MYBPC1: variants seen among roughly 807,000 people sequenced by gnomAD.
MYBPC1 encodes the protein myosin-binding protein C, slow-type.
A neutral mutation model predicts 147.1 loss-of-function variants in MYBPC1; 52 were observed. That is an observed-to-expected ratio of 0.35 (90% CI 0.28 to 0.45). The LOEUF is 0.45. MYBPC1 is among the 20% of genes least tolerant of loss of function. The pLI is 1.00. For synonymous variants in MYBPC1, 477 were observed against 475.9 expected, an observed-to-expected ratio of 1.00 and a Z score of -0.03; for missense variants, 1,228 against 1,440.3, an observed-to-expected ratio of 0.85 and a Z score of 2.39.
intron 21 of MYBPC1, 94 bp from the exon 22 acceptor site, chr12:101,663,332 A>T: frequency 2.6e-6 from 3 of 1,139,910 alleles, no homozygotes; most frequent in Non-Finnish European, 4.0e-6. Flanking sequence ...TTTTGTGTCT[A>T]TTTTTATTTG....
At chr12:101,666,526 A>G (rs1897443144) in intron 22 of MYBPC1, 1 of 532,046 alleles carries the variant, frequency 1.9e-6, no homozygotes, top group Non-Finnish European at 3.4e-6. Context: ...TCTCTGTGGC[A>G]GGTGCCTCAG....
chr12:101,627,938 TTTCCTCTTACAAGAAAACTAATGTA>T, intron 5 of MYBPC1, 134 bp downstream of exon 5: 1 of 1,061,244 alleles, frequency 9.4e-7, no homozygotes, highest in Non-Finnish European at 1.4e-6. Flanking sequence ...TTTCATTACG[TTTCCTCTTACAAGAAAACTAATGTA>T]TTGAGAAACA....
chr12:101,693,168 G>C, the MYBPC1 span, among the ~76,000 whole-genome samples: 7 of 151,954 alleles, frequency 4.6e-5, no homozygotes, highest in African/African-American at 1.7e-4. Context: ...GGATGGTCTC[G>C]ATCTCCTGAC....
chr12:101,663,652 T>C (rs1896957594), intron 22 of MYBPC1, 92 bp downstream of exon 22: 1 of 1,395,684 alleles, frequency 7.2e-7, no homozygotes, highest in African/African-American at 1.4e-5. Context: ...TGAGAACGCA[T>C]CACCTTCCTA....
At chr12:101,685,479 C>T (rs1015335815) in intron 31 of MYBPC1, 103 bp from the exon 32 acceptor site, 69 of 771,116 alleles carry the variant, frequency 8.9e-5, no homozygotes, top group Non-Finnish European at 1.4e-4. Context: ...CTAATGGGAA[C>T]ATGATTAGTC....
At chr12:101,653,371 G>C in intron 18 of MYBPC1, 123 bp downstream of exon 18, 2 of 1,274,662 alleles carry the variant, frequency 1.6e-6, no homozygotes, top group Admixed American at 4.0e-5. Context: ...CAGCAGTACA[G>C]TAAAGATGTA....
chr12:101,651,542 G>A (rs1356010720), intron 16 of MYBPC1, 149 bp downstream of exon 16: 7 of 1,027,962 alleles, frequency 6.8e-6, no homozygotes, highest in East Asian at 2.5e-5. Context: ...GCAAGAAGGT[G>A]TGATTTCTCT....
intron 19 of MYBPC1, chr12:101,660,097 C>A (rs538154105): frequency 3.9e-5 from 19 of 484,032 alleles, no homozygotes; most frequent in African/African-American, 2.7e-4. Flanking sequence ...TAACTTCCCA[C>A]ATCACAATCA....
intron 3 of MYBPC1, among the ~76,000 whole-genome samples, chr12:101,625,550 C>G (rs1271591754): frequency 6.6e-6 from 1 of 152,226 alleles, no homozygotes; most frequent in Non-Finnish European, 1.5e-5. Flanking sequence ...TACTAATACT[C>G]TTAATTAGTT....
intron 18 of MYBPC1, 31 bp from the exon 19 acceptor site, chr12:101,659,641 T>A (rs555492820): frequency 3.1e-6 from 5 of 1,613,626 alleles, no homozygotes; most frequent in Non-Finnish European, 4.2e-6. Context: ...ATTGTGTAAA[T>A]CATGCCACAT....
At chr12:101,692,177 T>C in the MYBPC1 span, among the ~76,000 whole-genome samples, 1 of 152,134 alleles carries the variant, frequency 6.6e-6, no homozygotes, top group Non-Finnish European at 1.5e-5. Flanking sequence ...GAGGTAAGAC[T>C]AGGAAGGTAG....
At chr12:101,671,621 G>C (rs926617363) in intron 24 of MYBPC1, among the ~76,000 whole-genome samples, 2 of 152,218 alleles carry the variant, frequency 1.3e-5, no homozygotes, top group East Asian at 3.9e-4. Flanking sequence ...AAAACCAGAA[G>C]TGGCAACAAG....
At chr12:101,666,888 C>CAG in intron 22 of MYBPC1, 1 of 477,086 alleles carries the variant, frequency 2.1e-6, no homozygotes, top group South Asian at 1.7e-5. Flanking sequence ...ATACTCATCA[C>CAG]ATACATACAC....
intron 22 of MYBPC1, 144 bp from the exon 23 acceptor site, chr12:101,667,588 G>A (rs1005528275): frequency 4.9e-5 from 43 of 882,302 alleles, no homozygotes; most frequent in African/African-American, 4.5e-4. Flanking sequence ...CCATGTAGTC[G>A]GAGTCCAGAC....
intron 1 of MYBPC1, among the ~76,000 whole-genome samples, chr12:101,595,477 TAGG>T (rs1944695455): frequency 6.6e-6 from 1 of 152,156 alleles, no homozygotes. Context: ...TTGCAGAGAG[TAGG>T]AGACTTAAAA....
intron 1 of MYBPC1, among the ~76,000 whole-genome samples, chr12:101,606,317 T>C (rs1159435580): frequency 6.6e-6 from 1 of 152,074 alleles, no homozygotes; most frequent in Non-Finnish European, 1.5e-5. Flanking sequence ...CTTCACTGTC[T>C]ATTTGTTAGA....
At position 101,626,929 on chromosome 12, in the gene MYBPC1, CT is replaced by C; in HGVS notation, c.142+23del. On this transcript the variant is annotated intron_variant, in intron 4 of 31. Coordinates refer to ENST00000361466, the MANE Select transcript of MYBPC1 (RefSeq NM_002465.4). ...CCTCCAGGTTGGGATAATTTCTACCCTTTTCCCTGCTTTTAAATATATTATT... is the reference window on the plus strand; with the variant it reads ...CCTCCAGGTTGGGATAATTTCTACCCTTTCCCTGCTTTTAAATATATTATT... 6.3e-7 allele frequency: 1 copy of C among 1,592,962 alleles called. No homozygotes were observed. Among genetic ancestry groups the C allele is most frequent in the Non-Finnish European group, 8.6e-7 (1 of 1,160,748 alleles).
intron 25 of MYBPC1, among the ~76,000 whole-genome samples, chr12:101,674,862 C>CAAAAAA (rs62824364): frequency 5.0e-5 from 3 of 59,830 alleles, no homozygotes; most frequent in South Asian, 7.0e-4. Context: ...ACTCTGTCTC[C>CAAAAAA]AAAAAAAAAA....
chr12:101,651,810 T>C (rs538527292), intron 16 of MYBPC1, among the ~76,000 whole-genome samples: 1 of 152,206 alleles, frequency 6.6e-6, no homozygotes, highest in East Asian at 1.9e-4. Flanking sequence ...CGTGGTGGCA[T>C]GCACCTGTAA....
Sources: gnomAD v4.1 joint callset for allele counts (sites outside exome capture counted in the v4.1 genomes callset) on GRCh38, gnomAD v4.1.1 for gene constraint, MANE v1.5 for transcripts, NCBI Gene and HGNC (gene_info 2026-07-23, HGNC 2026-07-21) for gene names.